The following RBFOX3 variants were observed in gnomAD, a reference collection of about 807,000 sequenced individuals.
RBFOX3 encodes RNA binding protein fox-1 homolog 3.
Under a neutral mutation model 48.7 loss-of-function variants are expected in RBFOX3, and 17 were observed. That is an observed-to-expected ratio of 0.35 (90% CI 0.24 to 0.52). The LOEUF (loss-of-function observed/expected upper bound fraction) is 0.52, where lower values mean the gene tolerates loss of function less well. Among genes scored for constraint, RBFOX3 ranks in the 20% least tolerant of loss-of-function variants. RBFOX3 has a pLI of 0.94. For missense variants in RBFOX3, 382 were observed against 497.5 expected (o/e 0.77, Z 2.21); for synonymous variants, 212 against 209.5 (o/e 1.01, Z -0.10).
chr17:79,458,541 T>G (rs905591092), intron 2 of RBFOX3, among the ~76,000 whole-genome samples: 7 of 151,984 alleles, frequency 4.6e-5, no homozygotes, highest in Non-Finnish European at 1.0e-4. Flanking sequence ...ATCACCGCAG[T>G]TGAGATACGG....
chr17:79,104,796 G>C (rs1343012139), intron 6 of RBFOX3, among the ~76,000 whole-genome samples: 1 of 152,146 alleles, frequency 6.6e-6, no homozygotes, highest in Non-Finnish European at 1.5e-5. Flanking sequence ...ATGGGGAGGA[G>C]GTTGGGCAGG....
intron 4 of RBFOX3, among the ~76,000 whole-genome samples, chr17:79,163,946 C>A (rs1428683367): frequency 1.3e-5 from 2 of 152,216 alleles, no homozygotes; most frequent in Non-Finnish European, 2.9e-5. Context: ...AGGGTGGGGA[C>A]CCCTGCCCCA....
At chr17:79,387,418 T>C (rs189505825) in intron 2 of RBFOX3, among the ~76,000 whole-genome samples, 156 of 152,340 alleles carry the variant, frequency 1.0e-3, no homozygotes, top group African/African-American at 3.5e-3. Flanking sequence ...TCAGAGACCC[T>C]GAAAACAAGT....
intron 2 of RBFOX3, among the ~76,000 whole-genome samples, chr17:79,349,525 A>T (rs557366323): frequency 1.3e-5 from 2 of 151,032 alleles, no homozygotes; most frequent in Non-Finnish European, 3.0e-5. Context: ...GAACCCCCAG[A>T]CCTCCCATTG....
intron 4 of RBFOX3, among the ~76,000 whole-genome samples, chr17:79,130,377 C>T (rs55884267): frequency 0.12 from 17,862 of 152,140 alleles, 2,719 homozygotes; most frequent in African/African-American, 0.35. Flanking sequence ...AGCAGGGCTC[C>T]GAGGCCCACA....
At chr17:79,657,134 G>A in the RBFOX3 span, among the ~76,000 whole-genome samples, 1 of 152,116 alleles carries the variant, frequency 6.6e-6, no homozygotes, top group African/African-American at 2.4e-5. Context: ...CACCCTGGAA[G>A]AGGAGAAGAA....
At chr17:79,260,220 C>T (rs2078902987) in intron 3 of RBFOX3, among the ~76,000 whole-genome samples, 1 of 152,126 alleles carries the variant, frequency 6.6e-6, no homozygotes, top group South Asian at 2.1e-4. Context: ...CAGACCCTCA[C>T]ACCCCTCCCC....
chr17:79,163,662 T>C lies in RBFOX3; in HGVS notation c.-33-47914A>G, dbSNP rs538620424. Among the ~76,000 whole-genome samples the C allele has an allele frequency of 3.5e-4, 53 of 151,494 alleles. 1 individual carries two copies. The South Asian group carries it at 0.011, about 31-fold the overall frequency. ...AGCACTGGGTGCAGAGCTGCCTGGG[T>C]GGGGAAGGCCTAGAGGGATGCCCCC... On this transcript the variant is annotated intron_variant, in intron 4 of 14. Coordinates refer to ENST00000693108, the MANE Select transcript of RBFOX3 (RefSeq NM_001350451.2).
rs76377998 is a variant in RBFOX3, at chr17:79,235,588, C to T, written c.-34+178G>A. The T allele has an allele frequency of 2.3e-3, 351 of 153,500 alleles. 2 individuals carry two copies. Among genetic ancestry groups the T allele is most frequent in the East Asian group, 0.022 (114 of 5,186 alleles). The allele number at this position is 153,500 out of a possible 1,614,324, so 9.5% of individuals were successfully genotyped here. On this transcript the variant is annotated intron_variant, in intron 4 of 14. Coordinates refer to ENST00000693108, the MANE Select transcript of RBFOX3 (RefSeq NM_001350451.2). ...CATCCATGGGGGACAAGAGAGAACA[C>T]GACACAGAGGTGCTAAACGGCGCCA...
intron 4 of RBFOX3, among the ~76,000 whole-genome samples, chr17:79,150,523 C>T (rs930508647): frequency 6.6e-6 from 1 of 152,142 alleles, no homozygotes; most frequent in Admixed American, 6.5e-5. Context: ...GCTGAACTGC[C>T]GGACACTCTA....
chr17:79,424,506 T>A (rs1271214990), intron 2 of RBFOX3, among the ~76,000 whole-genome samples: 1 of 152,152 alleles, frequency 6.6e-6, no homozygotes, highest in African/African-American at 2.4e-5. Flanking sequence ...CCAGCCATGC[T>A]CTTCCTGTGA....
intron 1 of RBFOX3, among the ~76,000 whole-genome samples, chr17:79,503,551 CAT>C (rs2082652821): frequency 6.6e-6 from 1 of 152,202 alleles, no homozygotes; most frequent in East Asian, 1.9e-4. Flanking sequence ...TTTGGTACCC[CAT>C]GTGTGTTTTA....
At chr17:79,099,591 T>C (rs895050059) in intron 9 of RBFOX3, 3 of 152,274 alleles carry the variant, frequency 2.0e-5, no homozygotes, top group East Asian at 1.9e-4. Context: ...CGAGTGAGAC[T>C]TGGAGGCTGC....
chr17:79,622,221 C>T, the RBFOX3 span, among the ~76,000 whole-genome samples: 4 of 152,228 alleles, frequency 2.6e-5, no homozygotes, highest in African/African-American at 9.6e-5. Flanking sequence ...AGACTCACAT[C>T]TTGGCACACC....
rs138071865 is a variant in RBFOX3, at chr17:79,170,929, C to T, written c.-33-55181G>A. On this transcript the variant is annotated intron_variant, in intron 4 of 14. Coordinates refer to ENST00000693108, the MANE Select transcript of RBFOX3 (RefSeq NM_001350451.2). ...GTCTTTCCACGTAAACTGCTGCCTC[C>T]GTGTGGATGGTCCTGTTCACAGATC... Among the ~76,000 whole-genome samples the T allele has an allele frequency of 5.5e-4, 84 of 152,316 alleles. 1 individual carries two copies. The highest frequency in any genetic ancestry group is 9.8e-4 in the Admixed American group (15 of 15,308).
chr17:79,339,389 A>G (rs1189574732), intron 2 of RBFOX3, among the ~76,000 whole-genome samples: 1 of 152,120 alleles, frequency 6.6e-6, no homozygotes, highest in East Asian at 1.9e-4. Flanking sequence ...TTGGAAAACC[A>G]TTGTTCTCAA....
chr17:79,097,840 C>G, intron 9 of RBFOX3, 95 bp from the exon 10 acceptor site: 1 of 1,351,206 alleles, frequency 7.4e-7, no homozygotes, highest in Non-Finnish European at 1.0e-6. Context: ...CGGTGGAGCC[C>G]TTGGGAACAT....
intron 3 of RBFOX3, among the ~76,000 whole-genome samples, chr17:79,303,090 TC>T (rs2075568183): frequency 6.6e-6 from 1 of 152,104 alleles, no homozygotes; most frequent in African/African-American, 2.4e-5. Context: ...GCACCTGTGG[TC>T]CCAGCTACTT....
chr17:79,630,692 A>C, the RBFOX3 span, among the ~76,000 whole-genome samples: 5 of 152,322 alleles, frequency 3.3e-5, no homozygotes, highest in East Asian at 9.6e-4. Flanking sequence ...AAATATTTTT[A>C]ACGCTCGTGG....
Sources: allele counts gnomAD v4.1 joint callset (sites outside exome capture counted in the v4.1 genomes callset), GRCh38; gene constraint gnomAD v4.1.1; transcripts MANE v1.5; gene names NCBI Gene and HGNC (gene_info 2026-07-23, HGNC 2026-07-21).